The following NLGN1 variants were observed in gnomAD, a reference collection of about 807,000 sequenced individuals.
NLGN1 encodes the protein neuroligin-1.
In NLGN1, 12 loss-of-function variants were observed where a neutral mutation model predicts 65.5. The ratio of observed to expected loss-of-function variants is 0.18; its 90% CI spans 0.12 to 0.30. The LOEUF (loss-of-function observed/expected upper bound fraction) is 0.30, where lower values mean the gene tolerates loss of function less well. Ranked by LOEUF, NLGN1 falls within the 10% of genes least tolerant of loss-of-function variation. The pLI, the probability that NLGN1 is intolerant of heterozygous loss-of-function variation, is 1.00. For missense variants in NLGN1, 750 were observed against 1,007.1 expected, an observed-to-expected ratio of 0.74 and a Z score of 3.46; for synonymous variants, 350 against 359.5, an observed-to-expected ratio of 0.97 and a Z score of 0.30.
intron 3 of NLGN1, among the ~76,000 whole-genome samples, chr3:173,771,822 C>T (rs1208579980): frequency 8.6e-5 from 13 of 151,622 alleles, no homozygotes; most frequent in Admixed American, 8.6e-4. Context: ...GCCTTTCGGG[C>T]AGAAAATGTA....
intron 4 of NLGN1, among the ~76,000 whole-genome samples, chr3:174,091,442 G>A (rs143861774): frequency 1.4e-3 from 220 of 152,228 alleles, no homozygotes; most frequent in African/African-American, 5.2e-3. Flanking sequence ...TTCAAACTTT[G>A]CCTGTGGCAC....
rs190562736 is a variant in NLGN1, at chr3:173,455,419, C to G, written c.-321+20341C>G. Among the ~76,000 whole-genome samples the G allele has an allele frequency of 8.7e-4, 132 of 152,212 alleles. 1 individual carries two copies. The highest frequency in any genetic ancestry group is 7.4e-5 in the Non-Finnish European group (5 of 68,000). ...AAACACCTCCTAATAGGCCTACCTC[C>G]AACATTTGAGGTTACATTTCAATAT... On this transcript the variant is annotated intron_variant, in intron 2 of 6. Coordinates refer to ENST00000457714, the Ensembl canonical transcript of NLGN1.
At chr3:173,485,782 T>C (rs1247580384) in intron 2 of NLGN1, among the ~76,000 whole-genome samples, 1 of 152,226 alleles carries the variant, frequency 6.6e-6, no homozygotes, top group African/African-American at 2.4e-5. Context: ...CGTAATACTT[T>C]TTTGCAGATA....
intron 2 of NLGN1, among the ~76,000 whole-genome samples, chr3:173,504,486 A>G (rs144025886): frequency 8.5e-4 from 129 of 152,224 alleles, no homozygotes; most frequent in African/African-American, 2.8e-3. Flanking sequence ...GGAAAAATAG[A>G]GTTTGCAAAG....
chr3:173,694,265 A>G (rs1012274326), intron 3 of NLGN1, among the ~76,000 whole-genome samples: 2 of 152,150 alleles, frequency 1.3e-5, no homozygotes, highest in Non-Finnish European at 2.9e-5. Flanking sequence ...CACTCTGAGC[A>G]GTCTGGAACA....
chr3:174,143,896 CA>C (rs1344752887), intron 4 of NLGN1, among the ~76,000 whole-genome samples: 1 of 151,906 alleles, frequency 6.6e-6, no homozygotes, highest in African/African-American at 2.4e-5. Context: ...TGCTTTCTTG[CA>C]TTCTTGTTTC....
At chr3:174,202,204 A>G (rs1051573505) in intron 4 of NLGN1, among the ~76,000 whole-genome samples, 1 of 152,264 alleles carries the variant, frequency 6.6e-6, no homozygotes, top group East Asian at 1.9e-4. Flanking sequence ...CCTGGATCCA[A>G]ACACAAACCC....
At chr3:174,128,561 C>T (rs1719460201) in intron 4 of NLGN1, among the ~76,000 whole-genome samples, 1 of 152,024 alleles carries the variant, frequency 6.6e-6, no homozygotes, top group Admixed American at 6.5e-5. Flanking sequence ...GATTGAATGG[C>T]GATTATTTAC....
At chr3:173,955,346 G>A (rs1356063729) in intron 4 of NLGN1, among the ~76,000 whole-genome samples, 2 of 152,102 alleles carry the variant, frequency 1.3e-5, no homozygotes, top group African/African-American at 4.8e-5. Flanking sequence ...ATTGTGTGTG[G>A]CATTTAGCAA....
intron 4 of NLGN1, among the ~76,000 whole-genome samples, chr3:174,146,954 C>G (rs921005044): frequency 9.2e-5 from 14 of 152,186 alleles, no homozygotes; most frequent in Admixed American, 3.3e-4. Context: ...TTACATAAAA[C>G]AGGTTTAAGA....
chr3:173,753,955 A>ATAATATAATATAATG (rs1776683346), intron 3 of NLGN1, among the ~76,000 whole-genome samples: 1 of 103,208 alleles, frequency 9.7e-6, no homozygotes, highest in South Asian at 2.9e-4. Flanking sequence ...ATAATATAAT[A>ATAATATAATATAATG]TAATATAATA....
intron 4 of NLGN1, among the ~76,000 whole-genome samples, chr3:173,937,153 A>G (rs1383623241): frequency 6.6e-6 from 1 of 152,126 alleles, no homozygotes; most frequent in Non-Finnish European, 1.5e-5. Flanking sequence ...AAAGATGTTT[A>G]GAAATGTGAC....
At chr3:173,732,562 C>T (rs1254669102) in intron 3 of NLGN1, among the ~76,000 whole-genome samples, 4 of 152,024 alleles carry the variant, frequency 2.6e-5, no homozygotes, top group Non-Finnish European at 4.4e-5. Flanking sequence ...ATGAGATAAC[C>T]AGCTGTATAT....
intron 4 of NLGN1, among the ~76,000 whole-genome samples, chr3:174,033,244 A>G (rs1013901156): frequency 6.6e-6 from 1 of 152,192 alleles, no homozygotes; most frequent in Non-Finnish European, 1.5e-5. Flanking sequence ...AAGAGTGAAG[A>G]TAAAACAAGG....
Position 173,717,215 on chromosome 3 carries a change from A to G in NLGN1, c.494-90465A>G, listed in dbSNP as rs562445598. 3.9e-5 allele frequency among the ~76,000 whole-genome samples: 6 copies of G among 152,208 alleles called. No individual in the cohort carries two copies. In the South Asian group the frequency reaches 1.2e-3, roughly 32 times the overall value. On this transcript the variant is annotated intron_variant, in intron 3 of 6. Coordinates refer to ENST00000457714, the Ensembl canonical transcript of NLGN1. Reference sequence around the variant, plus strand: ...GAGTGAACTTTTTTGTCTTTAGTAAAAGTTGATGTGATCTGTTCTAAAATG... The same window carrying G: ...GAGTGAACTTTTTTGTCTTTAGTAAGAGTTGATGTGATCTGTTCTAAAATG...
At chr3:173,702,849 C>G (rs1433240087) in intron 3 of NLGN1, among the ~76,000 whole-genome samples, 1 of 152,138 alleles carries the variant, frequency 6.6e-6, no homozygotes, top group African/African-American at 2.4e-5. Flanking sequence ...TCTTTCTATT[C>G]CACACATTCA....
chr3:173,696,839 A>C (rs1475783355), intron 3 of NLGN1, among the ~76,000 whole-genome samples: 1 of 152,238 alleles, frequency 6.6e-6, no homozygotes, highest in South Asian at 2.1e-4. Context: ...ATTACATCAC[A>C]GTCTTTTGTA....
intron 3 of NLGN1, among the ~76,000 whole-genome samples, chr3:173,707,900 T>C (rs1256196694): frequency 6.6e-6 from 1 of 152,206 alleles, no homozygotes; most frequent in Non-Finnish European, 1.5e-5. Context: ...CTACCTATCC[T>C]TAGAAATAAA....
chr3:174,064,362 T>C (rs1184828287), intron 4 of NLGN1, among the ~76,000 whole-genome samples: 1 of 151,764 alleles, frequency 6.6e-6, no homozygotes, highest in Admixed American at 6.6e-5. Flanking sequence ...AAAAGGAAAA[T>C]AATTCGGAAT....
Sources: gnomAD v4.1 joint callset for allele counts (sites outside exome capture counted in the v4.1 genomes callset) on GRCh38, gnomAD v4.1.1 for gene constraint, MANE v1.5 for transcripts, NCBI Gene and HGNC (gene_info 2026-07-23, HGNC 2026-07-21) for gene names.